SUPT3H: variants seen among roughly 807,000 people sequenced by gnomAD.
The protein encoded by SUPT3H is SPT3 homolog, SAGA and STAGA complex component.
In SUPT3H, 44 loss-of-function variants were observed where a neutral mutation model predicts 44.3. The ratio of observed to expected loss-of-function variants is 0.99; its 90% CI spans 0.78 to 1.28. The LOEUF (loss-of-function observed/expected upper bound fraction) is 1.28. SUPT3H is among the 50% of genes most tolerant of loss of function. The pLI is 0.00. For missense variants in SUPT3H, 380 were observed against 387.1 expected (o/e 0.98, Z 0.15); for synonymous variants, 124 against 125.6 (o/e 0.99, Z 0.09).
chr6:44,928,239 G>C (rs1390597945), intron 10 of SUPT3H, among the ~76,000 whole-genome samples: 2 of 152,100 alleles, frequency 1.3e-5, no homozygotes, highest in Non-Finnish European at 2.9e-5. Flanking sequence ...TGCAATATAA[G>C]ATGGCAAGCA....
At chr6:45,056,480 T>C (rs909635470) in intron 3 of SUPT3H, among the ~76,000 whole-genome samples, 2 of 152,214 alleles carry the variant, frequency 1.3e-5, no homozygotes, top group African/African-American at 4.8e-5. Context: ...AGGTACATCA[T>C]GGAATACTCC....
intron 9 of SUPT3H, 104 bp downstream of exon 9, chr6:44,953,205 AG>A: frequency 2.4e-6 from 2 of 822,830 alleles, no homozygotes; most frequent in Non-Finnish European, 3.9e-6. Context: ...CTTTGACTGA[AG>A]GTTATACACT....
chr6:45,337,167 A>T (rs1392241346), intron 2 of SUPT3H, among the ~76,000 whole-genome samples: 1 of 151,762 alleles, frequency 6.6e-6, no homozygotes, highest in Non-Finnish European at 1.5e-5. Flanking sequence ...TATGAACAGA[A>T]CAACATGCCA....
intron 3 of SUPT3H, among the ~76,000 whole-genome samples, chr6:45,068,635 T>A (rs967139294): frequency 6.6e-6 from 1 of 152,264 alleles, no homozygotes; most frequent in South Asian, 2.1e-4. Flanking sequence ...TAGTTTAGAA[T>A]CAATGTATAT....
At chr6:44,910,336 G>T (rs923085515) in intron 10 of SUPT3H, among the ~76,000 whole-genome samples, 3 of 152,078 alleles carry the variant, frequency 2.0e-5, no homozygotes, top group African/African-American at 7.2e-5. Context: ...TCTCTACTGC[G>T]TATCTTGCTG....
chr6:45,154,631 C>T (rs1489435718), intron 2 of SUPT3H, among the ~76,000 whole-genome samples: 1 of 152,172 alleles, frequency 6.6e-6, no homozygotes, highest in African/African-American at 2.4e-5. Context: ...CTCCTTGACT[C>T]CAGTTCAGAG....
chr6:44,951,513 A>G (rs1330138609), intron 9 of SUPT3H, among the ~76,000 whole-genome samples: 1 of 152,012 alleles, frequency 6.6e-6, no homozygotes, highest in Non-Finnish European at 1.5e-5. Flanking sequence ...CATCTTGACT[A>G]CCAGTCACAG....
chr6:45,370,946 C>T (rs1795964783), intron 1 of SUPT3H, among the ~76,000 whole-genome samples: 1 of 152,120 alleles, frequency 6.6e-6, no homozygotes, highest in African/African-American at 2.4e-5. Flanking sequence ...AAAAACAGTC[C>T]CTAAGGTGCA....
At chr6:45,151,402 T>TATTGACA (rs1806950339) in intron 2 of SUPT3H, among the ~76,000 whole-genome samples, 1 of 152,188 alleles carries the variant, frequency 6.6e-6, no homozygotes, top group African/African-American at 2.4e-5. Flanking sequence ...TATACCACCA[T>TATTGACA]ATATAGCACT....
intron 2 of SUPT3H, among the ~76,000 whole-genome samples, chr6:45,167,235 C>T (rs1429994410): frequency 6.6e-6 from 1 of 152,114 alleles, no homozygotes; most frequent in Non-Finnish European, 1.5e-5. Flanking sequence ...TCACTTTAAC[C>T]TAATGCATGG....
At chr6:44,849,035 G>T (rs538081112) in intron 10 of SUPT3H, among the ~76,000 whole-genome samples, 2 of 152,266 alleles carry the variant, frequency 1.3e-5, no homozygotes, top group South Asian at 4.1e-4. Context: ...TATAGGCTAA[G>T]TCATAGCTGA....
chr6:45,234,226 A>G (rs1271188114), intron 2 of SUPT3H, among the ~76,000 whole-genome samples: 1 of 152,210 alleles, frequency 6.6e-6, no homozygotes. Flanking sequence ...TACAAAGGAT[A>G]AAATTCTTTA....
chr6:45,208,336 A>G (rs891988027), intron 2 of SUPT3H, among the ~76,000 whole-genome samples: 10 of 152,238 alleles, frequency 6.6e-5, no homozygotes, highest in Admixed American at 5.9e-4. Context: ...TCCATAACAT[A>G]AAAGTGCAAG....
intron 2 of SUPT3H, among the ~76,000 whole-genome samples, chr6:45,131,353 A>G (rs1803438145): frequency 6.6e-6 from 1 of 152,140 alleles, no homozygotes; most frequent in Admixed American, 6.6e-5. Context: ...TTAAAAATCT[A>G]TTCACTCTCA....
intron 6 of SUPT3H, among the ~76,000 whole-genome samples, chr6:44,995,089 C>T (rs1269787770): frequency 1.3e-5 from 2 of 152,006 alleles, no homozygotes; most frequent in African/African-American, 2.4e-5. Flanking sequence ...TATACCTATA[C>T]ATCTTCAAAT....
chr6:45,235,209 T>A (rs1306645491), intron 2 of SUPT3H, among the ~76,000 whole-genome samples: 3 of 152,220 alleles, frequency 2.0e-5, no homozygotes, highest in African/African-American at 7.2e-5. Context: ...TGCATCAGTA[T>A]AAACATTATT....
chr6:45,209,027 G>A (rs141724070), intron 2 of SUPT3H, among the ~76,000 whole-genome samples: 1 of 152,222 alleles, frequency 6.6e-6, no homozygotes, highest in East Asian at 1.9e-4. Flanking sequence ...ACAAAGCCTG[G>A]ATGACAGCAT....
intron 10 of SUPT3H, among the ~76,000 whole-genome samples, chr6:44,905,170 G>A (rs1335840581): frequency 6.6e-6 from 1 of 152,002 alleles, no homozygotes; most frequent in Non-Finnish European, 1.5e-5. Flanking sequence ...ATTGACAAAT[G>A]GGATCTAATT....
intron 10 of SUPT3H, among the ~76,000 whole-genome samples, chr6:44,889,952 C>T (rs1187564511): frequency 2.0e-5 from 3 of 147,866 alleles, no homozygotes; most frequent in African/African-American, 4.9e-5. Flanking sequence ...AGTGGGCGGA[C>T]ATGAACAGAC....
Sources: allele counts gnomAD v4.1 joint callset (sites outside exome capture counted in the v4.1 genomes callset), GRCh38; gene constraint gnomAD v4.1.1; transcripts MANE v1.5; gene names NCBI Gene and HGNC (gene_info 2026-07-23, HGNC 2026-07-21).